The following NTRK3 variants were observed in gnomAD, a reference collection of about 807,000 sequenced individuals.
NTRK3 encodes NT-3 growth factor receptor.
Under a neutral mutation model 91.7 loss-of-function variants are expected in NTRK3, and 24 were observed. That is an observed-to-expected ratio of 0.26 (90% CI 0.19 to 0.37). NTRK3 has a LOEUF of 0.37. Among genes scored for constraint, NTRK3 ranks in the 10% least tolerant of loss-of-function variants. The pLI is 1.00. For missense variants in NTRK3, 880 were observed against 1,068.9 expected (o/e 0.82, Z 2.46); for synonymous variants, 483 against 404.0 (o/e 1.20, Z -2.34).
chr15:88,084,643 CCCCCAA>C (rs1221925215), intron 13 of NTRK3, among the ~76,000 whole-genome samples: 1 of 152,204 alleles, frequency 6.6e-6, no homozygotes, highest in Non-Finnish European at 1.5e-5. Context: ...CGTCTCCTTT[CCCCCAA>C]CCCTCTCACC....
At chr15:88,076,745 G>C (rs1255660531) in intron 13 of NTRK3, among the ~76,000 whole-genome samples, 1 of 149,776 alleles carries the variant, frequency 6.7e-6, no homozygotes, top group Non-Finnish European at 1.5e-5. Context: ...TACTATGAGA[G>C]AAAGCACAAA....
exon 19 of NTRK3, chr15:87,867,543 T>C (rs1416807920): frequency 8.7e-6 from 2 of 229,894 alleles, no homozygotes; most frequent in Non-Finnish European, 1.7e-5. Context: ...GAGAAACAGA[T>C]TGGCTTGCCC....
chr15:88,149,719 A>T (rs2043201912), intron 5 of NTRK3, among the ~76,000 whole-genome samples: 1 of 152,212 alleles, frequency 6.6e-6, no homozygotes, highest in East Asian at 1.9e-4. Context: ...GGAGCTGGAG[A>T]CCAGACACAC....
At chr15:88,116,777 A>G (rs2052132693) in intron 13 of NTRK3, among the ~76,000 whole-genome samples, 1 of 152,210 alleles carries the variant, frequency 6.6e-6, no homozygotes, top group Non-Finnish European at 1.5e-5. Context: ...AGTACCGTTC[A>G]TGTTATCAGC....
chr15:87,959,099 T>C (rs1300622321), intron 14 of NTRK3, among the ~76,000 whole-genome samples: 1 of 150,706 alleles, frequency 6.6e-6, no homozygotes, highest in Non-Finnish European at 1.5e-5. Flanking sequence ...AGCCACTACC[T>C]GTCTGTGAAC....
At chr15:87,937,179 C>A (rs1196233384) in intron 15 of NTRK3, among the ~76,000 whole-genome samples, 1 of 152,144 alleles carries the variant, frequency 6.6e-6, no homozygotes. Context: ...AGTTGGATAC[C>A]CAGGGAGATA....
intron 13 of NTRK3, among the ~76,000 whole-genome samples, chr15:88,100,142 T>C (rs2050021979): frequency 6.6e-6 from 1 of 152,188 alleles, no homozygotes; most frequent in South Asian, 2.1e-4. Flanking sequence ...AAAACCCCCA[T>C]GTGCTGGCCC....
chr15:87,881,237 T>C (rs1269498416), intron 17 of NTRK3, among the ~76,000 whole-genome samples: 1 of 152,214 alleles, frequency 6.6e-6, no homozygotes, highest in South Asian at 2.1e-4. Flanking sequence ...ATTCACAGCA[T>C]GTGTGAAAAC....
intron 3 of NTRK3, among the ~76,000 whole-genome samples, chr15:88,215,789 A>C (rs943050663): frequency 3.7e-4 from 56 of 152,338 alleles, no homozygotes; most frequent in African/African-American, 1.3e-3. Flanking sequence ...TATACTTTTA[A>C]AATATGGAAC....
Position 87,877,135 on chromosome 15 carries a change from A to G in NTRK3, c.2293-15T>C. The G allele has an allele frequency of 6.2e-7, 1 of 1,613,466 alleles. No individual in the cohort carries two copies. The highest frequency in any genetic ancestry group is 1.1e-5 in the South Asian group (1 of 90,966). ...CACTCAATGACCTGAAAGAGTGAGA[A>G]GAACAAGGAAGTTACACCCAAAGCT... On this transcript the variant is annotated splice_polypyrimidine_tract_variant and intron_variant, in intron 18 of 18. Coordinates refer to ENST00000394480, the Ensembl canonical transcript of NTRK3.
At chr15:88,115,910 A>G (rs2052010487) in intron 13 of NTRK3, among the ~76,000 whole-genome samples, 1 of 152,014 alleles carries the variant, frequency 6.6e-6, no homozygotes. Context: ...CTGCCAGCAC[A>G]AGCTTTTCCG....
At chr15:88,251,347 A>T (rs901214188) in intron 3 of NTRK3, among the ~76,000 whole-genome samples, 1 of 152,208 alleles carries the variant, frequency 6.6e-6, no homozygotes, top group African/African-American at 2.4e-5. Flanking sequence ...CATATGTCCA[A>T]GTTGGAAGAA....
At chr15:87,907,131 A>G (rs2066818437) in intron 17 of NTRK3, among the ~76,000 whole-genome samples, 1 of 152,244 alleles carries the variant, frequency 6.6e-6, no homozygotes, top group African/African-American at 2.4e-5. Context: ...GTTGAAATTA[A>G]TTAATAAATT....
chr15:87,869,608 G>T, exon 19 of NTRK3: 1 of 209,880 alleles, frequency 4.8e-6, no homozygotes, highest in Non-Finnish European at 9.7e-6. Flanking sequence ...AGTTTGAGAA[G>T]CTGGATTGTC....
intron 4 of NTRK3, 74 bp from the exon 5 acceptor site, chr15:88,183,563 G>A (rs1158296770): frequency 3.5e-6 from 5 of 1,408,620 alleles, no homozygotes; most frequent in Admixed American, 1.7e-5. Flanking sequence ...GAGGCTGGCA[G>A]GGGGTGAGGC....
rs2051161238 is a variant in NTRK3, at chr15:88,231,327, C to T, written c.248+24579G>A. Among the ~76,000 whole-genome samples, 4 of 152,124 alleles carry T rather than the reference C, an allele frequency of 2.6e-5. No individual in the cohort carries two copies. The South Asian group carries it at 8.3e-4, about 32-fold the overall frequency. ...CTCTCCGCTCCCCTTGCCCCCCACC[C>T]ACATCACCCATCCAGAGCTATTGTA... On this transcript the variant is annotated intron_variant, in intron 3 of 18. Transcript: ENST00000394480.
chr15:88,163,413 C>T (rs929906750), intron 5 of NTRK3, among the ~76,000 whole-genome samples: 1 of 152,206 alleles, frequency 6.6e-6, no homozygotes, highest in African/African-American at 2.4e-5. Context: ...CTCTGAGAAG[C>T]CTTCCCTGAC....
At chr15:88,173,896 CCT>C (rs1164575593) in intron 5 of NTRK3, among the ~76,000 whole-genome samples, 6 of 152,340 alleles carry the variant, frequency 3.9e-5, no homozygotes, top group African/African-American at 1.4e-4. Flanking sequence ...AGTCACTCAA[CCT>C]CTCTGTGCCT....
At chr15:88,112,810 C>T (rs767215233) in intron 13 of NTRK3, among the ~76,000 whole-genome samples, 11 of 152,148 alleles carry the variant, frequency 7.2e-5, no homozygotes, top group Admixed American at 1.3e-4. Flanking sequence ...AGAAAGTGAA[C>T]GGAGCCACAT....
Sources: allele counts gnomAD v4.1 joint callset (sites outside exome capture counted in the v4.1 genomes callset), GRCh38; gene constraint gnomAD v4.1.1; transcripts MANE v1.5; gene names NCBI Gene and HGNC (gene_info 2026-07-23, HGNC 2026-07-21).